The following IL9R variants were observed in gnomAD, a reference collection of about 807,000 sequenced individuals.
IL9R encodes the protein interleukin 9 receptor, also known as interleukin-9 receptor.
Under a neutral mutation model 56.3 loss-of-function variants are expected in IL9R, and 54 were observed. That is an observed-to-expected ratio of 0.96 (90% CI 0.77 to 1.20). The LOEUF is 1.20. IL9R is among the 50% of genes most tolerant of loss of function. The pLI is 0.00. For missense variants in IL9R, 545 were observed against 629.8 expected (o/e 0.87, Z 1.44); for synonymous variants, 212 against 250.2 (o/e 0.85, Z 1.44).
chrX:155,998,232 T>G (rs2067269400), intron 1 of IL9R, among the ~76,000 whole-genome samples: 1 of 151,910 alleles, frequency 6.6e-6, no homozygotes, highest in Non-Finnish European at 1.5e-5. Flanking sequence ...CCGAGGCATT[T>G]GGGTGTTTTA....
intron 7 of IL9R, among the ~76,000 whole-genome samples, chrX:156,006,525 G>A (rs2067971604): frequency 1.3e-5 from 2 of 150,842 alleles, no homozygotes; most frequent in African/African-American, 4.9e-5. Flanking sequence ...CTAGTCTCCT[G>A]CCTCTGGAGG....
At chrX:156,005,026 G>A (rs1432987224) in intron 5 of IL9R, among the ~76,000 whole-genome samples, 1 of 152,114 alleles carries the variant, frequency 6.6e-6, no homozygotes, top group Non-Finnish European at 1.5e-5. Flanking sequence ...TGTGATGAGT[G>A]TGAAAGTGTT....
chrX:155,997,829 T>C, intron 1 of IL9R, 42 bp downstream of exon 1: 7 of 1,589,334 alleles, frequency 4.4e-6, no homozygotes, highest in Non-Finnish European at 6.0e-6. Context: ...CAAGTCAGCA[T>C]GAAATTCAGA....
intron 8 of IL9R, among the ~76,000 whole-genome samples, chrX:156,009,399 G>T (rs1329386755): frequency 1.5e-4 from 22 of 147,028 alleles, no homozygotes; most frequent in African/African-American, 5.5e-4. Flanking sequence ...GTGTGTGTGT[G>T]TCTCTGTGTG....
chrX:156,001,125 C>A (rs952899984), intron 1 of IL9R, among the ~76,000 whole-genome samples: 1 of 152,148 alleles, frequency 6.6e-6, no homozygotes, highest in Non-Finnish European at 1.5e-5. Flanking sequence ...CCTACCATCC[C>A]CCTTCCCTGT....
intron 1 of IL9R, chrX:156,001,588 G>A: frequency 9.8e-7 from 1 of 1,025,406 alleles, no homozygotes; most frequent in East Asian, 2.4e-5. Flanking sequence ...GGGGCAGAGT[G>A]GGGTTAGAGT....
intron 5 of IL9R, among the ~76,000 whole-genome samples, chrX:156,005,011 G>A (rs948810237): frequency 6.6e-5 from 10 of 152,110 alleles, no homozygotes; most frequent in African/African-American, 2.2e-4. Context: ...GAGTGTGCAT[G>A]CAAGTGTGAT....
Position 156,007,333 on chromosome X carries a change from C to T in IL9R, c.888-190C>T, listed in dbSNP as rs760742852. ...CGCCTCAGTATAAATCAGTTCTATG[C>T]GGCCGTTAGGCAAGGAGGCCCAGTT... On this transcript the variant is annotated intron_variant, in intron 7 of 8. Coordinates refer to ENST00000244174, the MANE Select transcript of IL9R (RefSeq NM_002186.3). 3.1e-3 allele frequency among the ~76,000 whole-genome samples: 463 copies of T among 150,034 alleles called. 4 individuals are homozygous for T. Among genetic ancestry groups the T allele is most frequent in the South Asian group, 0.023 (108 of 4,692 alleles).
chrX:156,006,739 G>C (rs1271132306), intron 7 of IL9R, among the ~76,000 whole-genome samples: 9 of 151,934 alleles, frequency 5.9e-5, no homozygotes, highest in Non-Finnish European at 1.3e-4. Context: ...GTGGGGAGAG[G>C]GGTGTTGGGT....
intron 1 of IL9R, 33 bp from the exon 2 acceptor site, chrX:156,002,873 T>C (rs748560192): frequency 8.7e-6 from 14 of 1,613,200 alleles, no homozygotes; most frequent in South Asian, 1.1e-5. Context: ...AGAGGGATGA[T>C]TTGCACAGGG....
chrX:156,005,223 G>T (rs1485896128), intron 5 of IL9R, 55 bp from the exon 6 acceptor site: 2 of 1,446,846 alleles, frequency 1.4e-6, no homozygotes, highest in Non-Finnish European at 1.9e-6. Flanking sequence ...TATTCTCGAG[G>T]GCTGAGGGAC....
chrX:156,005,877 T>G (rs1432858929), intron 6 of IL9R, among the ~76,000 whole-genome samples: 1 of 148,730 alleles, frequency 6.7e-6, no homozygotes, highest in African/African-American at 2.5e-5. Context: ...CCCAGGAGTG[T>G]GGTTCACACA....
intron 5 of IL9R, 88 bp from the exon 6 acceptor site, chrX:156,005,190 T>C: frequency 1.0e-6 from 1 of 995,466 alleles, no homozygotes; most frequent in Non-Finnish European, 1.6e-6. Context: ...GAGTGTGTTA[T>C]ATGAGCATAT....
intron 3 of IL9R, 47 bp downstream of exon 3, chrX:156,003,607 T>C (rs2067689755): frequency 6.2e-7 from 1 of 1,610,190 alleles, no homozygotes; most frequent in Non-Finnish European, 8.5e-7. Context: ...GAGGGTGAGT[T>C]CCCCAGGATT....
At chrX:156,004,606 G>A in intron 5 of IL9R, 41 bp downstream of exon 5, 1 of 1,604,852 alleles carries the variant, frequency 6.2e-7, no homozygotes, top group Non-Finnish European at 8.5e-7. Context: ...CTCTCTCCTG[G>A]GAACAGCAGT....
intron 8 of IL9R, among the ~76,000 whole-genome samples, chrX:156,009,119 GTGTA>G (rs2068245691): frequency 1.4e-5 from 2 of 139,432 alleles, no homozygotes. Context: ...TTATGTGTCT[GTGTA>G]TGTTTGTGTG....
At chrX:156,009,779 T>C in intron 8 of IL9R, 37 bp from the exon 9 acceptor site, 1 of 1,045,562 alleles carries the variant, frequency 9.6e-7, no homozygotes, top group Non-Finnish European at 1.3e-6. Flanking sequence ...CTGAACATGC[T>C]ACCTGAGCCC....
At chrX:156,006,607 G>A (rs1266941329) in intron 7 of IL9R, among the ~76,000 whole-genome samples, 1 of 149,132 alleles carries the variant, frequency 6.7e-6, no homozygotes, top group Non-Finnish European at 1.5e-5. Context: ...TCAGGACCCT[G>A]TTCTCAGAAC....
intron 8 of IL9R, among the ~76,000 whole-genome samples, chrX:156,009,352 C>CGT (rs1278501905): frequency 2.3e-4 from 21 of 89,632 alleles, no homozygotes; most frequent in African/African-American, 6.4e-4. Flanking sequence ...GTGTGTGTCT[C>CGT]GTGTGTGTGT....
Sources: gnomAD v4.1 joint callset for allele counts (sites outside exome capture counted in the v4.1 genomes callset) on GRCh38, gnomAD v4.1.1 for gene constraint, MANE v1.5 for transcripts, NCBI Gene and HGNC (gene_info 2026-07-23, HGNC 2026-07-21) for gene names.